MUC5AC: variants seen among roughly 807,000 people sequenced by gnomAD.
MUC5AC encodes mucin-5AC.
In MUC5AC, 158 loss-of-function variants were observed where a neutral mutation model predicts 169.7. That is an observed-to-expected ratio of 0.93 (90% CI 0.82 to 1.06). The LOEUF is 1.06. MUC5AC is among the 50% of genes least tolerant of loss of function. The probability of loss-of-function intolerance (pLI) is 0.00; values close to 1 mark genes in which losing one functional copy is unlikely to be tolerated. For synonymous variants in MUC5AC, 1,975 were observed against 1,237.0 expected (o/e 1.60, Z -12.52); for missense variants, 4,359 against 3,089.9 (o/e 1.41, Z -9.74).
intron 36 of MUC5AC, 93 bp from the exon 37 acceptor site, chr11:1,195,783 G>T (rs906152559): frequency 4.5e-6 from 3 of 666,666 alleles, no homozygotes; most frequent in Non-Finnish European, 8.2e-6. Flanking sequence ...GACTCGCCTC[G>T]CCTGGAGACT....
chr11:1,166,499 AC>A (rs1860338993), intron 11 of MUC5AC, among the ~76,000 whole-genome samples: 1 of 132,026 alleles, frequency 7.6e-6, no homozygotes, highest in African/African-American at 3.0e-5. Flanking sequence ...CCACGATGAG[AC>A]CCTGCACCCA....
chr11:1,163,306 G>A (rs1173196271), intron 6 of MUC5AC, among the ~76,000 whole-genome samples: 3 of 152,194 alleles, frequency 2.0e-5, no homozygotes, highest in East Asian at 1.9e-4. Flanking sequence ...CTGACTGCAC[G>A]CCCTCTCCTG....
chr11:1,200,399 G>T, intron 48 of MUC5AC, 39 bp from the exon 49 acceptor site: 1 of 649,660 alleles, frequency 1.5e-6, no homozygotes, highest in Non-Finnish European at 2.8e-6. Context: ...GGAGGCTGGG[G>T]TGGCGCAGCA....
chr11:1,192,582 C>G (rs1861151798), intron 31 of MUC5AC, 57 bp downstream of exon 31: 1 of 740,102 alleles, frequency 1.4e-6, no homozygotes, highest in African/African-American at 1.7e-5. Context: ...AGTTTTTTAT[C>G]CAGGAACGCC....
In MUC5AC at chr11:1,187,959, C is replaced by T. The variant is rs1554928412; in HGVS notation, c.9814C>T (p.Arg3272Ter). 10 of 755,302 alleles carry T rather than the reference C, an allele frequency of 1.3e-5. No homozygotes were observed. Among genetic ancestry groups the T allele is most frequent in the Middle Eastern group, 2.3e-4 (1 of 4,436 alleles). The allele number at this position is 755,302 out of a possible 1,614,324, so 46.8% of individuals were successfully genotyped here. A position where few individuals can be genotyped will look rare whatever the true frequency, so the allele number is the denominator to read the frequency against. ...TGAGGAGATCACCAGGCTCCAGTGC[C>T]GAGCCGAGAGCCACCCGGAGGTGAG... ...RPEEITRLQC[R>*]AESHPEVSIE... The change falls in exon 31 of 49, where the codon CGA (arginine) becomes TGA (stop). Residue 3272 changes from arginine to a stop codon, truncating the protein, a stop_gained. Coordinates refer to ENST00000621226, the MANE Select transcript of MUC5AC (RefSeq NM_001304359.2). LOFTEE classifies it high-confidence loss of function.
chr11:1,181,267 A>C lies in MUC5AC; in HGVS notation c.3821-4A>C. On this transcript the variant is annotated splice_region_variant and splice_polypyrimidine_tract_variant and intron_variant, in intron 29 of 48. Transcript: ENST00000621226. ...TGACGGGCCTGGGCCCTCCGTCCCC[A>C]TAGCCTGTGTCTGCACCTACAATGG... The C allele has an allele frequency of 2.5e-6, 1 of 398,372 alleles. No homozygotes were observed. The highest frequency in any genetic ancestry group is 4.4e-5 in the Admixed American group (1 of 22,728). 24.7% of individuals were successfully genotyped at this position (398,372 alleles called of 1,614,324 possible). A position where few individuals can be genotyped will look rare whatever the true frequency, so the allele number is the denominator to read the frequency against.
At chr11:1,162,871 CCCT>C in intron 5 of MUC5AC, 81 bp from the exon 6 acceptor site, 1 of 1,382,650 alleles carries the variant, frequency 7.2e-7, no homozygotes, top group Admixed American at 1.7e-5. Context: ...GGGCCTCGGC[CCCT>C]CCTCGGAAAT....
intron 41 of MUC5AC, 52 bp downstream of exon 41, chr11:1,197,691 GC>G (rs1349403422): frequency 3.1e-6 from 2 of 648,202 alleles, no homozygotes; most frequent in East Asian, 5.5e-5. Flanking sequence ...GTGACCCGGA[GC>G]CCACTCGGCC....
In MUC5AC at chr11:1,168,986, G is replaced by A. The variant is rs764010527; in HGVS notation, c.1830G>A (p.Arg610=). The change falls in exon 15 of 49, where the codon AGG becomes AGA. Residue 610 remains arginine (R), a synonymous_variant. Coordinates refer to ENST00000621226, the MANE Select transcript of MUC5AC (RefSeq NM_001304359.2). The part of the protein sequence containing the change: ...FKTQAACPNI[R]NSFEDPCSLS... ...CCCAGGCCGCCTGCCCCAACATCAGGAACAGCTTCGAGGACCCCTGCTCTC... is the reference window on the plus strand; with the variant it reads ...CCCAGGCCGCCTGCCCCAACATCAGAAACAGCTTCGAGGACCCCTGCTCTC... 26 of 1,608,798 alleles carry A rather than the reference G, an allele frequency of 1.6e-5. 1 individual carries two copies. The South Asian group carries it at 2.9e-4, about 18-fold the overall frequency.
Position 1,191,350 on chromosome 11 carries a change from C to A in MUC5AC, c.13205C>A (p.Thr4402Asn), listed in dbSNP as rs1861092239. ...ACCTCTGCCTCTACAGCCAGCACAA[C>A]CTCTGGTCCTGGAAGTACTCCCAGC... The part of the protein sequence containing the change: ...RTTSASTAST[T>N]SGPGSTPSPV... Residue 4402 changes from threonine (T) to asparagine (N), a missense_variant, in exon 31 of 49, where the codon ACC becomes AAC. Coordinates refer to ENST00000621226, the MANE Select transcript of MUC5AC (RefSeq NM_001304359.2). 1 of 751,230 alleles carries A rather than the reference C, an allele frequency of 1.3e-6. No homozygotes were observed. Among genetic ancestry groups the A allele is most frequent in the Non-Finnish European group, 2.4e-6 (1 of 411,604 alleles). 46.5% of individuals were successfully genotyped at this position (751,230 alleles called of 1,614,324 possible).
chr11:1,160,792 G>A, intron 2 of MUC5AC, 103 bp downstream of exon 2: 3 of 1,228,182 alleles, frequency 2.4e-6, no homozygotes, highest in Non-Finnish European at 3.4e-6. Context: ...CTCCCCAGCT[G>A]GCCACTGCTG....
Position 1,199,476 on chromosome 11 carries a change from C to A in MUC5AC, c.16501C>A (p.Leu5501Ile). The change falls in exon 46 of 49, where the codon CTC becomes ATC. Residue 5501 changes from leucine (L) to isoleucine (I), a missense_variant. Leu to Ile is a conservative substitution (Grantham distance 5, BLOSUM62 2). Coordinates refer to ENST00000621226, the MANE Select transcript of MUC5AC (RefSeq NM_001304359.2). ...VVTTKKACPP[L>I]SCSLDEARMS... ...CACCACGAAGAAGGCGTGCCCCCCG[C>A]TCAGCTGTTCTCTGGTGAGGTCCAG... 1.4e-6 allele frequency: 1 copy of A among 715,148 alleles called. No homozygotes were observed. The allele number at this position is 715,148 out of a possible 1,614,324, so 44.3% of individuals were successfully genotyped here. A position where few individuals can be genotyped will look rare whatever the true frequency, so the allele number is the denominator to read the frequency against.
intron 12 of MUC5AC, 30 bp from the exon 13 acceptor site, chr11:1,168,453 G>A (rs528608646): frequency 1.1e-5 from 17 of 1,607,702 alleles, no homozygotes; most frequent in South Asian, 4.4e-5. Flanking sequence ...AGCCTGCCCC[G>A]CGCTCACACA....
intron 1 of MUC5AC, among the ~76,000 whole-genome samples, chr11:1,159,566 T>G (rs1403731767): frequency 1.3e-4 from 2 of 15,696 alleles, no homozygotes; most frequent in Admixed American, 1.2e-3. Flanking sequence ...TGCGGGGCTG[T>G]GCGGGGCTGT....
intron 18 of MUC5AC, 28 bp downstream of exon 18, chr11:1,175,165 G>GA (rs879109573): frequency 6.0e-5 from 24 of 398,554 alleles, no homozygotes; most frequent in South Asian, 1.3e-4. Flanking sequence ...GGACTGGGGG[G>GA]TCCCTCGTGT....
At chr11:1,158,624 T>C (rs1860035119) in intron 1 of MUC5AC, among the ~76,000 whole-genome samples, 1 of 152,156 alleles carries the variant, frequency 6.6e-6, no homozygotes, top group East Asian at 1.9e-4. Context: ...TGGGGGAGGC[T>C]CCAGGTCCTG....
intron 25 of MUC5AC, 30 bp from the exon 26 acceptor site, chr11:1,179,062 C>T (rs1860750472): frequency 6.2e-6 from 3 of 485,526 alleles, no homozygotes; most frequent in Non-Finnish European, 7.4e-6. Flanking sequence ...GTGGGGGGGT[C>T]CCTGGAACCT....
At chr11:1,166,527 C>A (rs28663200) in intron 11 of MUC5AC, among the ~76,000 whole-genome samples, 15 of 108,694 alleles carry the variant, frequency 1.4e-4, no homozygotes, top group East Asian at 6.2e-4. Flanking sequence ...AGTCTCTCCA[C>A]GATGAGACCC....
Position 1,189,093 on chromosome 11 carries a change from T to C in MUC5AC, c.10948T>C (p.Ser3650Pro). The stretch of plus-strand genomic sequence containing the variant: ...CACCAGCCCAACTCAGAGCACCTCC[T>C]CTTGGCAGAAATCCAGGACAACCAC... ...RATSPTQSTS[S>P]WQKSRTTTLV... The change falls in exon 31 of 49, where the codon TCT becomes CCT. Residue 3650 changes from serine to proline, a missense_variant. Coordinates refer to ENST00000621226, the MANE Select transcript of MUC5AC (RefSeq NM_001304359.2). 3.3e-6 allele frequency: 2 copies of C among 608,776 alleles called. No individual in the cohort carries two copies. Among genetic ancestry groups the C allele is most frequent in the Non-Finnish European group, 5.9e-6 (2 of 340,710 alleles). The allele number at this position is 608,776 out of a possible 1,614,324, so 37.7% of individuals were successfully genotyped here.
Sources: allele counts gnomAD v4.1 joint callset (sites outside exome capture counted in the v4.1 genomes callset), GRCh38; gene constraint gnomAD v4.1.1; transcripts MANE v1.5; gene names NCBI Gene and HGNC (gene_info 2026-07-23, HGNC 2026-07-21).